The following SRRT variants were observed in gnomAD, a reference collection of about 807,000 sequenced individuals.
The protein encoded by SRRT is serrate RNA effector molecule homolog.
SRRT carries 32 observed loss-of-function variants against 103.2 expected under a neutral mutation model. The observed-to-expected ratio is 0.31, with a 90% confidence interval of 0.23 to 0.42. SRRT has a LOEUF of 0.42. Among genes scored for constraint, SRRT ranks in the 10% least tolerant of loss-of-function variants. The pLI is 1.00. For synonymous variants in SRRT, 525 were observed against 449.0 expected (o/e 1.17, Z -2.14); for missense variants, 986 against 1,207.5 (o/e 0.82, Z 2.72).
intron 2 of SRRT, among the ~76,000 whole-genome samples, chr7:100,877,947 C>A (rs1815910230): frequency 6.6e-6 from 1 of 152,144 alleles, no homozygotes; most frequent in Non-Finnish European, 1.5e-5. Flanking sequence ...TGAAAATGAA[C>A]TGAGAACCTG....
At chr7:100,880,323 G>GA (rs1816169260) in intron 2 of SRRT, among the ~76,000 whole-genome samples, 1 of 152,168 alleles carries the variant, frequency 6.6e-6, no homozygotes, top group African/African-American at 2.4e-5. Context: ...TGGTGGGGGG[G>GA]ATGAAGTCTT....
In SRRT at chr7:100,886,911, T is replaced by G. The variant is rs778736268; in HGVS notation, c.1764T>G (p.Pro588=). 1 of 1,613,598 alleles carries G rather than the reference T, an allele frequency of 6.2e-7. No individual in the cohort carries two copies. Residue 588 remains proline (P), a synonymous_variant, in exon 14 of 20, where the codon CCT becomes CCG. Coordinates refer to ENST00000611405, the MANE Select transcript of SRRT (RefSeq NM_015908.6). ...GSSGGAPPEE[P]PKEGNPAEIN... is the part of the protein sequence containing the mutation. ...GCGGGGGCGCTCCTCCTGAGGAGCC[T>G]CCTAAGGAAGGGAACCCGGCAGAGA...
chr7:100,875,377 C>T, intron 1 of SRRT, 49 bp downstream of exon 1: 1 of 1,331,196 alleles, frequency 7.5e-7, no homozygotes, highest in Non-Finnish European at 9.7e-7. Context: ...GGGAGAGGAA[C>T]CGGGGTCCAC....
In SRRT at chr7:100,882,018, A is replaced by G. The variant is rs367882908; in HGVS notation, c.399-35A>G. The G allele has an allele frequency of 4.4e-6, 7 of 1,590,930 alleles. No individual in the cohort carries two copies. The highest frequency in any genetic ancestry group is 4.1e-5 in the African/African-American group (3 of 73,878). On this transcript the variant is annotated intron_variant, in intron 4 of 19. Transcript: ENST00000611405. This position sits in a 1 kb window ranked among gnomAD's most constrained non-coding sequence, Gnocchi z 4.2. ...CCCCTGTAGCCTCCCACCGTTCCCC[A>G]AAAACCAAGCCTTCCTGACCGGGGT...
At chr7:100,886,151 C>A (rs901644949) in intron 12 of SRRT, 96 bp from the exon 13 acceptor site, 4 of 1,422,744 alleles carry the variant, frequency 2.8e-6, no homozygotes, top group African/African-American at 2.8e-5. Context: ...GCAGTCTGAT[C>A]AATCGCTGGT....
At position 100,885,764 on chromosome 7, in the gene SRRT, T is replaced by C; in HGVS notation, c.1379+2T>C. ...CTCAGAGCCCCAGCCAGAGAGGAGG[T>C]GAGTAACTCGGTGCGTTGGAGGGAA... On this transcript the variant is annotated splice_donor_variant, in intron 11 of 19. Coordinates refer to ENST00000611405, the MANE Select transcript of SRRT (RefSeq NM_015908.6). LOFTEE classifies it high-confidence loss of function. The surrounding 1 kb of genome is among the most constrained non-coding windows in gnomAD (Gnocchi z 4.8). 6.2e-7 allele frequency: 1 copy of C among 1,614,014 alleles called. No homozygotes were observed. The highest frequency in any genetic ancestry group is 8.5e-7 in the Non-Finnish European group (1 of 1,179,992).
Position 100,881,788 on chromosome 7 carries a change from C to A in SRRT, c.381C>A (p.Val127=). 1 of 1,610,622 alleles carries A rather than the reference C, an allele frequency of 6.2e-7. No homozygotes were observed. ...ACGTCCACATCATGCAGCACCATGT[C>A]CTGCCTATCCAGGCCAGGTAAGGGT... The part of the protein sequence containing the change: ...HPDVHIMQHH[V]LPIQARLGSI... The change falls in exon 4 of 20, where the codon GTC becomes GTA. Residue 127 remains valine, a synonymous_variant. Coordinates refer to ENST00000611405, the MANE Select transcript of SRRT (RefSeq NM_015908.6).
At position 100,888,279 on chromosome 7, in the gene SRRT, C is replaced by T. The variant is rs766263166; in HGVS notation, c.2451C>T (p.Val817=). Residue 817 remains valine, a synonymous_variant, in exon 19 of 20, where the codon GTC becomes GTT. Transcript: ENST00000611405. ...TAGCTGGTGCTGTCCGCCCTGCAGT[C>T]CCCACAGGAGGCCCTCCATACCCCC... is the stretch of plus-strand genomic sequence containing the variant. The part of the protein sequence containing the change: ...GYGAGAVRPA[V]PTGGPPYPHA... 8 of 1,611,164 alleles carry T rather than the reference C, an allele frequency of 5.0e-6. No homozygotes were observed. The Admixed American group carries it at 5.0e-5, about 10-fold the overall frequency.
In SRRT at chr7:100,882,434, T is replaced by C; in HGVS notation, c.587+193T>C. 1.7e-6 allele frequency: 1 copy of C among 588,598 alleles called. No individual in the cohort carries two copies. The highest frequency in any genetic ancestry group is 2.0e-5 in the South Asian group (1 of 49,558). The allele number at this position is 588,598 out of a possible 1,614,324, so 36.5% of individuals were successfully genotyped here. Reference sequence around the variant, plus strand: ...AACTGCCACGGCCCCCGCCCCGCCCTGTCTCCTGTCCTGCTGTCCTCAGAG... The same window carrying C: ...AACTGCCACGGCCCCCGCCCCGCCCCGTCTCCTGTCCTGCTGTCCTCAGAG... On this transcript the variant is annotated intron_variant, in intron 5 of 19. Transcript: ENST00000611405. This position sits in a 1 kb window ranked among gnomAD's most constrained non-coding sequence, Gnocchi z 4.2.
chr7:100,885,171 A>G lies in SRRT; in HGVS notation c.1160-42A>G, dbSNP rs762800762. ...TGTATCCTCCCCACCACAATCAGTAATAAAAATGCACCAACTCCTTCCTAC... is the reference window on the plus strand; with the variant it reads ...TGTATCCTCCCCACCACAATCAGTAGTAAAAATGCACCAACTCCTTCCTAC... On this transcript the variant is annotated intron_variant, in intron 9 of 19. Coordinates refer to ENST00000611405, the MANE Select transcript of SRRT (RefSeq NM_015908.6). The surrounding 1 kb of genome is among the most constrained non-coding windows in gnomAD (Gnocchi z 4.8). The G allele has an allele frequency of 1.2e-6, 2 of 1,606,282 alleles. No homozygotes were observed. Among genetic ancestry groups the G allele is most frequent in the Non-Finnish European group, 1.7e-6 (2 of 1,175,430 alleles).
rs878984456 is a variant in SRRT, at chr7:100,887,563, G to C, written c.2169+50G>C. 1 of 1,597,614 alleles carries C rather than the reference G, an allele frequency of 6.3e-7. No homozygotes were observed. The stretch of plus-strand genomic sequence containing the variant: ...TGCTACGGTGGTGGGAGGTGGGGTT[G>C]AGACAGGAAGCCCCCTGGGCAGGGG... On this transcript the variant is annotated intron_variant, in intron 16 of 19. Transcript: ENST00000611405. This position sits in a 1 kb window ranked among gnomAD's most constrained non-coding sequence, Gnocchi z 4.1.
chr7:100,879,738 G>A (rs1020969293), intron 2 of SRRT, among the ~76,000 whole-genome samples: 1 of 151,796 alleles, frequency 6.6e-6, no homozygotes, highest in Non-Finnish European at 1.5e-5. Flanking sequence ...AGCCCAGGAG[G>A]CGGAGGCTGT....
intron 4 of SRRT, 52 bp downstream of exon 4, chr7:100,881,857 G>T: frequency 1.3e-6 from 2 of 1,544,246 alleles, no homozygotes; most frequent in Non-Finnish European, 1.7e-6. Flanking sequence ...GGATGGATGG[G>T]GTTGCTGAAG....
intron 2 of SRRT, among the ~76,000 whole-genome samples, chr7:100,877,466 T>A (rs1235549131): frequency 6.7e-6 from 1 of 149,076 alleles, no homozygotes; most frequent in Non-Finnish European, 1.5e-5. Flanking sequence ...TGATTCTTGA[T>A]GAAAGAGTAA....
chr7:100,877,978 G>A (rs1369983554), intron 2 of SRRT, among the ~76,000 whole-genome samples: 1 of 152,168 alleles, frequency 6.6e-6, no homozygotes, highest in Admixed American at 6.5e-5. Flanking sequence ...GTAAGCTGTT[G>A]GTATTTGTTG....
chr7:100,880,613 T>G (rs1304873573), intron 2 of SRRT: 1 of 345,856 alleles, frequency 2.9e-6, no homozygotes, highest in Non-Finnish European at 6.0e-6. Flanking sequence ...CTGAATAGGC[T>G]TGATTCTGAC....
At chr7:100,878,925 C>T (rs1816016952) in intron 2 of SRRT, among the ~76,000 whole-genome samples, 3 of 149,152 alleles carry the variant, frequency 2.0e-5, no homozygotes, top group South Asian at 2.1e-4. Context: ...TTTTCTTTTC[C>T]TTCCTTTCTT....
Position 100,882,287 on chromosome 7 carries a change from TG to T in SRRT, c.587+48del, listed in dbSNP as rs766959899. The T allele has an allele frequency of 1.3e-6, 2 of 1,586,790 alleles. No homozygotes were observed. The highest frequency in any genetic ancestry group is 1.7e-6 in the Non-Finnish European group (2 of 1,162,426). On this transcript the variant is annotated intron_variant, in intron 5 of 19. Transcript: ENST00000611405. This position sits in a 1 kb window ranked among gnomAD's most constrained non-coding sequence, Gnocchi z 4.2. ...GGACCTCTGCCCTGGCATGTCCCCC[TG>T]GCCCCGCTGGTGGAGCCACAGCCCT...
intron 2 of SRRT, among the ~76,000 whole-genome samples, chr7:100,878,021 T>C (rs532592999): frequency 4.4e-4 from 67 of 152,292 alleles, no homozygotes; most frequent in African/African-American, 1.5e-3. Context: ...CAGTGAAAAT[T>C]AAAATTTTGG....
Sources: gnomAD v4.1 joint callset for allele counts (sites outside exome capture counted in the v4.1 genomes callset) on GRCh38, gnomAD v4.1.1 for gene constraint, Gnocchi (gnomAD v3.1) non-coding constraint, MANE v1.5 for transcripts, NCBI Gene and HGNC (gene_info 2026-07-23, HGNC 2026-07-21) for gene names.